TMEM132E: variants seen among roughly 807,000 people sequenced by gnomAD.
The protein encoded by TMEM132E is transmembrane protein 132E.
TMEM132E carries 49 observed loss-of-function variants against 78.5 expected under a neutral mutation model. The ratio of observed to expected loss-of-function variants is 0.62; its 90% CI spans 0.50 to 0.79. The LOEUF is 0.79. TMEM132E is among the 30% of genes least tolerant of loss of function. TMEM132E has a pLI of 0.00. For synonymous variants in TMEM132E, 715 were observed against 670.6 expected (o/e 1.07, Z -1.02); for missense variants, 1,403 against 1,470.9 (o/e 0.95, Z 0.75).
intron 1 of TMEM132E, among the ~76,000 whole-genome samples, chr17:34,622,573 C>A (rs1207579555): frequency 6.6e-6 from 1 of 152,234 alleles, no homozygotes; most frequent in Non-Finnish European, 1.5e-5. Flanking sequence ...GGGTCCAGAG[C>A]CCCTAGGCCT....
intron 1 of TMEM132E, among the ~76,000 whole-genome samples, chr17:34,600,614 G>A (rs1906209443): frequency 6.6e-6 from 1 of 152,306 alleles, no homozygotes; most frequent in East Asian, 1.9e-4. Flanking sequence ...GTCGGGGTAG[G>A]AGGGCCTGAG....
intron 1 of TMEM132E, among the ~76,000 whole-genome samples, chr17:34,598,869 G>T (rs1222798597): frequency 6.6e-6 from 1 of 152,106 alleles, no homozygotes; most frequent in African/African-American, 2.4e-5. Context: ...TTGAACTACA[G>T]CACTCTTGAT....
chr17:34,615,081 G>C (rs1156514307), intron 1 of TMEM132E, among the ~76,000 whole-genome samples: 1 of 150,070 alleles, frequency 6.7e-6, no homozygotes, highest in Non-Finnish European at 1.5e-5. Flanking sequence ...AAGAGCCCTG[G>C]TTTTCAGTAA....
rs187950013 is a variant in TMEM132E at position 34,627,979 on chromosome 17, T to G, written c.999-584T>G. On this transcript the variant is annotated intron_variant, in intron 2 of 8. Coordinates refer to ENST00000631683, the MANE Select transcript of TMEM132E (RefSeq NM_001304438.2). ...TTGCTTTAGCCAATGTTCATTGGAGTGCAGCTGAAGTGTCGTATTTAGTAT... is the reference window on the plus strand; with the variant it reads ...TTGCTTTAGCCAATGTTCATTGGAGGGCAGCTGAAGTGTCGTATTTAGTAT... 1.4e-3 allele frequency among the ~76,000 whole-genome samples: 217 copies of G among 152,250 alleles called. 1 individual carries two copies. Among genetic ancestry groups the G allele is most frequent in the African/African-American group, 4.7e-3 (195 of 41,542 alleles).
rs1392300232 is a variant in TMEM132E, at chr17:34,592,032, C to T, written c.67+10889C>T. ...CCATCCTTTCTTGCCTAGAGCCAGGCCTTACTGCTGGGAAGCATGTTTAAG... is the reference window on the plus strand; with the variant it reads ...CCATCCTTTCTTGCCTAGAGCCAGGTCTTACTGCTGGGAAGCATGTTTAAG... On this transcript the variant is annotated intron_variant, in intron 1 of 8. Transcript: ENST00000631683. 3.9e-5 allele frequency among the ~76,000 whole-genome samples: 6 copies of T among 152,244 alleles called. No homozygotes were observed. The East Asian group carries it at 9.6e-4, about 24-fold the overall frequency.
At chr17:34,581,334 A>T (rs1002409174) in intron 1 of TMEM132E, among the ~76,000 whole-genome samples, 191 bp downstream of exon 1, 10 of 136,864 alleles carry the variant, frequency 7.3e-5, no homozygotes, top group Non-Finnish European at 1.3e-4. Context: ...GAGGGGACCG[A>T]GCCCGGCGCC....
intron 1 of TMEM132E, among the ~76,000 whole-genome samples, chr17:34,621,948 T>C (rs1158580234): frequency 3.9e-5 from 6 of 152,172 alleles, no homozygotes. Flanking sequence ...CCTCCAGTCC[T>C]GGCCTGACCT....
At chr17:34,631,726 C>T (rs1907355398) in intron 5 of TMEM132E, among the ~76,000 whole-genome samples, 1 of 152,152 alleles carries the variant, frequency 6.6e-6, no homozygotes, top group Non-Finnish European at 1.5e-5. Flanking sequence ...AGTCCCAGAG[C>T]CCCTGGGTCC....
At chr17:34,628,458 T>C in intron 2 of TMEM132E, 105 bp from the exon 3 acceptor site, 1 of 1,345,990 alleles carries the variant, frequency 7.4e-7, no homozygotes, top group Non-Finnish European at 1.0e-6. Context: ...TAACTTAGCT[T>C]ATCTGTTCCC....
In TMEM132E at chr17:34,626,990, ATCC is replaced by A; in HGVS notation, c.937_939del (p.Leu313del). ...CCTCAAGCCCGGGGAAGTGCTCAGC[ATCC>A]TCCTCTATCTGGCCCCCAACTCCTC... is the stretch of plus-strand genomic sequence containing the variant. On this transcript the variant is annotated inframe_deletion, in exon 2 of 9. Coordinates refer to ENST00000631683, the MANE Select transcript of TMEM132E (RefSeq NM_001304438.2). 1 of 1,613,872 alleles carries A rather than the reference ATCC, an allele frequency of 6.2e-7. No homozygotes were observed. The highest frequency in any genetic ancestry group is 1.1e-5 in the South Asian group (1 of 91,082).
chr17:34,623,948 C>A (rs1907044170), intron 1 of TMEM132E, among the ~76,000 whole-genome samples: 1 of 152,206 alleles, frequency 6.6e-6, no homozygotes, highest in African/African-American at 2.4e-5. Flanking sequence ...CACACCCCCA[C>A]CCCACCATCA....
At chr17:34,628,147 A>G (rs2142081328) in intron 2 of TMEM132E, among the ~76,000 whole-genome samples, 1 of 152,360 alleles carries the variant, frequency 6.6e-6, no homozygotes, top group Non-Finnish European at 1.5e-5. Flanking sequence ...AAGAACTACT[A>G]CAGTTAGGAC....
intron 1 of TMEM132E, among the ~76,000 whole-genome samples, chr17:34,620,496 C>G (rs1282954393): frequency 6.6e-6 from 1 of 152,248 alleles, no homozygotes; most frequent in Non-Finnish European, 1.5e-5. Context: ...CACCAATATC[C>G]CAGTTCAGCT....
chr17:34,633,423 G>A (rs1907415446), intron 6 of TMEM132E, among the ~76,000 whole-genome samples: 1 of 152,276 alleles, frequency 6.6e-6, no homozygotes, highest in Non-Finnish European at 1.5e-5. Flanking sequence ...ACACTAGTGA[G>A]TGCATGAGTG....
Position 34,628,078 on chromosome 17 carries a change from T to C in TMEM132E, c.999-485T>C, listed in dbSNP as rs376787847. ...GATTCAGAACTATGGCAAAAAACAA[T>C]TGGAGGCACTGAAGGAAAGAAGATT... On this transcript the variant is annotated intron_variant, in intron 2 of 8. Transcript: ENST00000631683. Among the ~76,000 whole-genome samples the C allele has an allele frequency of 6.8e-4, 104 of 152,200 alleles. 3 individuals are homozygous for C. In the East Asian group the frequency reaches 0.013, roughly 19 times the overall value.
At chr17:34,632,154 C>A (rs916489788) in intron 5 of TMEM132E, among the ~76,000 whole-genome samples, 1 of 152,212 alleles carries the variant, frequency 6.6e-6, no homozygotes, top group African/African-American at 2.4e-5. Context: ...CCTGGTTAAG[C>A]AGCCCCCCTC....
intron 1 of TMEM132E, among the ~76,000 whole-genome samples, chr17:34,610,132 C>G (rs1180252683): frequency 6.6e-6 from 1 of 152,190 alleles, no homozygotes. Context: ...TCAGAATGCT[C>G]AGGGAGCTCT....
intron 4 of TMEM132E, 93 bp from the exon 5 acceptor site, chr17:34,629,914 TG>T (rs5820093): frequency 3.2e-5 from 39 of 1,210,328 alleles, no homozygotes; most frequent in South Asian, 3.6e-5. Context: ...ATCTGAGGAG[TG>T]GGGGGGGAGC....
At chr17:34,594,093 GCT>G (rs1017690379) in intron 1 of TMEM132E, among the ~76,000 whole-genome samples, 1 of 152,136 alleles carries the variant, frequency 6.6e-6, no homozygotes, top group African/African-American at 2.4e-5. Context: ...CCCTGACCCT[GCT>G]CTGTTTCCCT....
Sources: allele counts gnomAD v4.1 joint callset (sites outside exome capture counted in the v4.1 genomes callset), GRCh38; gene constraint gnomAD v4.1.1; transcripts MANE v1.5; gene names NCBI Gene and HGNC (gene_info 2026-07-23, HGNC 2026-07-21).